The following FRMD4B variants were observed in gnomAD, a reference collection of about 807,000 sequenced individuals.
The protein encoded by FRMD4B is FERM domain-containing protein 4B.
In FRMD4B, 74 loss-of-function variants were observed where a neutral mutation model predicts 141.5. That is an observed-to-expected ratio of 0.52 (90% CI 0.43 to 0.63). FRMD4B has a LOEUF of 0.63. Ranked by LOEUF, FRMD4B falls within the 30% of genes least tolerant of loss-of-function variation. FRMD4B has a pLI of 0.00. For synonymous variants in FRMD4B, 506 were observed against 467.9 expected (o/e 1.08, Z -1.05); for missense variants, 1,366 against 1,253.4 (o/e 1.09, Z -1.36).
chr3:69,364,279 C>T (rs1559830974), intron 1 of FRMD4B, among the ~76,000 whole-genome samples: 2 of 152,206 alleles, frequency 1.3e-5, no homozygotes, highest in Non-Finnish European at 2.9e-5. Context: ...ACTCAGAAGA[C>T]AGGAACATGC....
intron 19 of FRMD4B, among the ~76,000 whole-genome samples, chr3:69,185,408 G>A (rs967694258): frequency 1.3e-5 from 2 of 150,552 alleles, no homozygotes; most frequent in African/African-American, 4.9e-5. Flanking sequence ...AATCTACCTT[G>A]ATTTTGAGAA....
At chr3:69,422,787 T>G (rs1705003756) in intron 2 of FRMD4B, among the ~76,000 whole-genome samples, 1 of 145,150 alleles carries the variant, frequency 6.9e-6, no homozygotes, top group African/African-American at 2.5e-5. Context: ...TACAACCATT[T>G]AAAAATGAAA....
At chr3:69,391,087 A>G (rs1283828646), upstream of FRMD4B, among the ~76,000 whole-genome samples, 1 of 152,022 alleles carries the variant, frequency 6.6e-6, no homozygotes, top group African/African-American at 2.4e-5. Context: ...TAATGAACTC[A>G]AAGTCTTTTG....
At chr3:69,180,867 C>G in intron 21 of FRMD4B, 32 bp downstream of exon 21, 2 of 1,423,684 alleles carry the variant, frequency 1.4e-6, no homozygotes, top group Middle Eastern at 1.8e-4. Context: ...TAAATAAAAT[C>G]CAGGTGTTGC....
chr3:69,536,204 T>A, intron 1 of FRMD4B: 1 of 587,496 alleles, frequency 1.7e-6, no homozygotes, highest in Non-Finnish European at 3.2e-6. Flanking sequence ...GTTAGGAGGA[T>A]CCTCCTTGGC....
chr3:69,511,166 T>G (rs560035540), intron 1 of FRMD4B, among the ~76,000 whole-genome samples: 1 of 152,362 alleles, frequency 6.6e-6, no homozygotes, highest in South Asian at 2.1e-4. Flanking sequence ...ATACAGATCT[T>G]CAGGTTCATG....
At chr3:69,455,628 G>A (rs1283470222) in intron 1 of FRMD4B, among the ~76,000 whole-genome samples, 3 of 152,192 alleles carry the variant, frequency 2.0e-5, no homozygotes, top group Admixed American at 2.0e-4. Context: ...AATGCTCACT[G>A]CGAGGGTCCG....
At chr3:69,187,252 A>C (rs1321099764) in intron 19 of FRMD4B, among the ~76,000 whole-genome samples, 1 of 152,116 alleles carries the variant, frequency 6.6e-6, no homozygotes, top group Non-Finnish European at 1.5e-5. Flanking sequence ...AAGACTTCTT[A>C]AAAACATTTT....
intron 5 of FRMD4B, among the ~76,000 whole-genome samples, chr3:69,281,823 C>CAA (rs869209332): frequency 7.6e-5 from 10 of 131,484 alleles, no homozygotes; most frequent in African/African-American, 2.9e-4. Context: ...GACTCCGTCT[C>CAA]AAAAAAAAAA....
At chr3:69,281,503 AATGCCCAATG>A (rs977465807) in intron 5 of FRMD4B, among the ~76,000 whole-genome samples, 2 of 152,120 alleles carry the variant, frequency 1.3e-5, no homozygotes, top group Admixed American at 1.3e-4. Flanking sequence ...CAATTTACTG[AATGCCCAATG>A]TGTGCCACAT....
rs572736789 is a variant in FRMD4B at position 69,521,815 on chromosome 3, C to T, written c.-129+20391G>A. On this transcript the variant is annotated intron_variant, in intron 1 of 5. Transcript: ENST00000459638. ...CCATGGCGGGGTCTTTCTCAGCTTT[C>T]TGTCTCAGCTGAAATGTCGCTCCAA... is the stretch of plus-strand genomic sequence containing the variant. Among the ~76,000 whole-genome samples the T allele has an allele frequency of 3.2e-3, 480 of 152,286 alleles. 5 individuals are homozygous for T. The highest frequency in any genetic ancestry group is 0.011 in the African/African-American group (452 of 41,568).
At chr3:69,177,462 C>A (rs1356920493) in intron 21 of FRMD4B, among the ~76,000 whole-genome samples, 1 of 151,952 alleles carries the variant, frequency 6.6e-6, no homozygotes, top group African/African-American at 2.4e-5. Flanking sequence ...CTAGCCTCAG[C>A]AACATGGCAA....
chr3:69,472,925 C>CCTTTTTTTT (rs1705918880), intron 1 of FRMD4B, among the ~76,000 whole-genome samples: 2 of 90,916 alleles, frequency 2.2e-5, no homozygotes, highest in Admixed American at 2.3e-4. Context: ...GTGAGTCTTT[C>CCTTTTTTTT]TTTTTTTTTT....
At chr3:69,507,542 G>A (rs1357576268) in intron 1 of FRMD4B, among the ~76,000 whole-genome samples, 1 of 152,180 alleles carries the variant, frequency 6.6e-6, no homozygotes. Flanking sequence ...CGGTATAGAT[G>A]TGTTAAATAT....
At chr3:69,346,237 G>A (rs985138817) in intron 1 of FRMD4B, among the ~76,000 whole-genome samples, 2 of 152,030 alleles carry the variant, frequency 1.3e-5, no homozygotes, top group Admixed American at 6.6e-5. Flanking sequence ...ATGAGTGATT[G>A]AAGATTAAAT....
intron 1 of FRMD4B, among the ~76,000 whole-genome samples, chr3:69,521,640 A>G (rs1442950592): frequency 3.9e-5 from 6 of 152,192 alleles, no homozygotes; most frequent in Non-Finnish European, 7.3e-5. Flanking sequence ...TCTTTGATTT[A>G]ATCTTGCCTC....
At position 69,239,278 on chromosome 3, in the gene FRMD4B, T is replaced by C. The variant is rs2093366014; in HGVS notation, c.581+9948A>G. ...CATCCTGTAGCAGGAAACCTGCTTG[T>C]GTTCTGGGAAGTGCAGTGTCCTCTC... On this transcript the variant is annotated intron_variant, in intron 7 of 22. Coordinates refer to ENST00000398540, the MANE Select transcript of FRMD4B (RefSeq NM_015123.3). Among the ~76,000 whole-genome samples the C allele has an allele frequency of 2.0e-5, 3 of 152,332 alleles. 1 individual carries two copies. The Middle Eastern group carries it at 0.01, about 518-fold the overall frequency.
intron 1 of FRMD4B, among the ~76,000 whole-genome samples, chr3:69,367,167 A>G (rs1238306372): frequency 6.6e-6 from 1 of 152,196 alleles, no homozygotes; most frequent in Non-Finnish European, 1.5e-5. Flanking sequence ...ACAGATCTTT[A>G]TTCTCCAGAA....
chr3:69,232,831 G>T (rs573718593), intron 7 of FRMD4B, among the ~76,000 whole-genome samples: 82 of 151,082 alleles, frequency 5.4e-4, no homozygotes, highest in Non-Finnish European at 1.0e-3. Context: ...TATGCTTGGT[G>T]TGGGGGCATC....
Sources: allele counts gnomAD v4.1 joint callset (sites outside exome capture counted in the v4.1 genomes callset), GRCh38; gene constraint gnomAD v4.1.1; transcripts MANE v1.5; gene names NCBI Gene and HGNC (gene_info 2026-07-23, HGNC 2026-07-21).